PACRG: variants seen among roughly 807,000 people sequenced by gnomAD.
PACRG encodes parkin coregulated gene protein.
Under a neutral mutation model 29.7 loss-of-function variants are expected in PACRG, and 29 were observed. The observed-to-expected ratio is 0.98, with a 90% CI of 0.73 to 1.33. The LOEUF is 1.33. Ranked by LOEUF, PACRG falls within the 40% of genes most tolerant of loss-of-function variation. The probability of loss-of-function intolerance (pLI) is 0.00; values close to 1 mark genes in which losing one functional copy is unlikely to be tolerated. For missense variants in PACRG, 279 were observed against 316.2 expected (o/e 0.88, Z 0.89); for synonymous variants, 116 against 118.7 (o/e 0.98, Z 0.15).
Position 163,296,395 on chromosome 6 carries a change from A to C in PACRG, c.614-18432A>C, listed in dbSNP as rs368799942. On this transcript the variant is annotated intron_variant, in intron 4 of 4. Transcript: ENST00000366888. ...ACTGCAAACTCCACCTCCCGAGTTC[A>C]AGCAGTTCTCTGCCTCAGCCTCCCG... is the stretch of plus-strand genomic sequence containing the variant. Among the ~76,000 whole-genome samples the C allele has an allele frequency of 2.0e-3, 304 of 152,214 alleles. 2 individuals carry two copies. Among genetic ancestry groups the C allele is most frequent in the African/African-American group, 7.1e-3 (293 of 41,524 alleles).
intron 2 of PACRG, among the ~76,000 whole-genome samples, chr6:162,866,177 G>C (rs1163911169): frequency 1.3e-5 from 2 of 152,082 alleles, no homozygotes; most frequent in East Asian, 3.9e-4. Context: ...TTAATCAAAT[G>C]GATTAACAAA....
intron 4 of PACRG, chr6:163,165,465 G>A (rs891009000): frequency 2.0e-5 from 3 of 152,426 alleles, no homozygotes; most frequent in African/African-American, 7.2e-5. Flanking sequence ...CATCCCATCA[G>A]CCAGTGGATA....
chr6:163,055,963 G>A lies in PACRG; in HGVS notation c.292-6187G>A, dbSNP rs563615993. 8.5e-5 allele frequency among the ~76,000 whole-genome samples: 13 copies of A among 152,248 alleles called. No homozygotes were observed. The highest frequency in any genetic ancestry group is 3.4e-3 in the Middle Eastern group (1 of 294). On this transcript the variant is annotated intron_variant, in intron 2 of 4. Transcript: ENST00000366888. The surrounding 1 kb of genome is among the most constrained non-coding windows in gnomAD (Gnocchi z 4.0). ...TGGTCTTTTGTGACTGTCCTCCTTC[G>A]CTTAGGAAAATGTTTTCAAGGTTCA...
intron 4 of PACRG, among the ~76,000 whole-genome samples, chr6:163,260,118 T>C (rs186626659): frequency 6.6e-6 from 1 of 151,976 alleles, no homozygotes; most frequent in East Asian, 1.9e-4. Flanking sequence ...CTCATCCCCC[T>C]TCCCTTCCCG....
At chr6:162,979,150 T>G (rs1802201307) in intron 2 of PACRG, among the ~76,000 whole-genome samples, 1 of 152,230 alleles carries the variant, frequency 6.6e-6, no homozygotes. Flanking sequence ...AATTAAAGCT[T>G]TAAAGCTAAT....
chr6:162,899,996 G>A (rs1182019211), intron 2 of PACRG, among the ~76,000 whole-genome samples: 1 of 152,116 alleles, frequency 6.6e-6, no homozygotes, highest in African/African-American at 2.4e-5. Flanking sequence ...AGGTCAGGGA[G>A]CTGCAGGGAG....
chr6:163,095,049 TG>T (rs1814446862), intron 4 of PACRG, among the ~76,000 whole-genome samples: 1 of 152,042 alleles, frequency 6.6e-6, no homozygotes, highest in African/African-American at 2.4e-5. Context: ...CAGAAACAGA[TG>T]GTTGTGCAGC....
chr6:163,055,223 C>T lies in PACRG; in HGVS notation c.292-6927C>T, dbSNP rs982692538. Among the ~76,000 whole-genome samples the T allele has an allele frequency of 2.0e-5, 3 of 151,966 alleles. No homozygotes were observed. The highest frequency in any genetic ancestry group is 7.3e-5 in the African/African-American group (3 of 41,362). On this transcript the variant is annotated intron_variant, in intron 2 of 4. Coordinates refer to ENST00000366888, the MANE Select transcript of PACRG (RefSeq NM_001080379.2). This position sits in a 1 kb window ranked among gnomAD's most constrained non-coding sequence, Gnocchi z 4.0. ...ACCGGGGACAGTGTGGAAATGGAGCCGTGACTGGGGATAGTGTGGAAATGG... is the reference window on the plus strand; with the variant it reads ...ACCGGGGACAGTGTGGAAATGGAGCTGTGACTGGGGATAGTGTGGAAATGG...
At chr6:162,752,215 A>G (rs138384271) in intron 1 of PACRG, among the ~76,000 whole-genome samples, 1 of 152,302 alleles carries the variant, frequency 6.6e-6, no homozygotes, top group African/African-American at 2.4e-5. Flanking sequence ...ACATGCACAC[A>G]CACGCAAAGC....
intron 2 of PACRG, among the ~76,000 whole-genome samples, chr6:162,916,428 T>C (rs1000263882): frequency 2.6e-5 from 4 of 152,216 alleles, no homozygotes; most frequent in Non-Finnish European, 4.4e-5. Context: ...TTCTACTAAA[T>C]TTGGAAAGTT....
At chr6:163,056,603 G>A (rs1480470614) in intron 2 of PACRG, among the ~76,000 whole-genome samples, 1 of 152,072 alleles carries the variant, frequency 6.6e-6, no homozygotes, top group Admixed American at 6.5e-5. Flanking sequence ...CCCAGAAGCA[G>A]GACTTATGTG....
chr6:163,081,278 C>A (rs560626835), intron 3 of PACRG, among the ~76,000 whole-genome samples: 1 of 152,084 alleles, frequency 6.6e-6, no homozygotes, highest in East Asian at 1.9e-4. Flanking sequence ...TAATAAAATT[C>A]TATGAGACAC....
At chr6:163,174,692 A>G (rs2128349301) in intron 4 of PACRG, among the ~76,000 whole-genome samples, 1 of 152,200 alleles carries the variant, frequency 6.6e-6, no homozygotes, top group African/African-American at 2.4e-5. Context: ...ATTCAACTTA[A>G]ACCTCTCAGA....
intron 2 of PACRG, among the ~76,000 whole-genome samples, chr6:162,957,822 C>T (rs1176575732): frequency 6.6e-6 from 1 of 152,220 alleles, no homozygotes; most frequent in Non-Finnish European, 1.5e-5. Flanking sequence ...CTAGCCCCAA[C>T]CCCAGTACCT....
intron 4 of PACRG, among the ~76,000 whole-genome samples, chr6:163,146,787 A>G (rs2128336625): frequency 6.6e-6 from 1 of 152,352 alleles, no homozygotes; most frequent in East Asian, 1.9e-4. Context: ...ATGTCTTTTC[A>G]GAAATGATAA....
intron 2 of PACRG, among the ~76,000 whole-genome samples, chr6:162,823,055 A>G (rs1275695349): frequency 6.6e-6 from 1 of 152,060 alleles, no homozygotes; most frequent in East Asian, 1.9e-4. Context: ...CTTTTTCTGT[A>G]TCTTCACAGA....
intron 2 of PACRG, among the ~76,000 whole-genome samples, chr6:162,962,569 AAG>A (rs1800716548): frequency 9.0e-6 from 1 of 111,132 alleles, no homozygotes; most frequent in East Asian, 3.5e-4. Flanking sequence ...TTCTTATGGG[AAG>A]AAGAAGAGAG....
At chr6:162,985,944 A>T (rs191446873) in intron 2 of PACRG, among the ~76,000 whole-genome samples, 95 of 148,140 alleles carry the variant, frequency 6.4e-4, no homozygotes, top group African/African-American at 2.3e-3. Flanking sequence ...CAAGAACTCA[A>T]CCCCTTTCAC....
intron 2 of PACRG, among the ~76,000 whole-genome samples, chr6:162,852,005 G>GAGGA (rs749750362): frequency 0.018 from 2,064 of 116,044 alleles, 66 homozygotes; most frequent in African/African-American, 0.053. Flanking sequence ...GGGAGGGAGG[G>GAGGA]AGGAAGGAAG....
Sources: allele counts gnomAD v4.1 joint callset (sites outside exome capture counted in the v4.1 genomes callset), GRCh38; gene constraint gnomAD v4.1.1; non-coding constraint Gnocchi (gnomAD v3.1); transcripts MANE v1.5; gene names NCBI Gene and HGNC (gene_info 2026-07-23, HGNC 2026-07-21).